Variants in MGAT4D observed in about 807,000 individuals in gnomAD.
MGAT4D encodes the protein MGAT4 family member D.
A neutral mutation model predicts 15.9 loss-of-function variants in MGAT4D; 34 were observed. That is an observed-to-expected ratio of 2.14 (90% CI 1.62 to 2.84). MGAT4D has a LOEUF of 2.84. Ranked by LOEUF, MGAT4D falls within the 30% of genes most tolerant of loss-of-function variation. MGAT4D has a pLI of 0.00. For synonymous variants in MGAT4D, 112 were observed against 48.2 expected, an observed-to-expected ratio of 2.33 and a Z score of -5.49; for missense variants, 327 against 140.2, an observed-to-expected ratio of 2.33 and a Z score of -6.73.
intron 3 of MGAT4D, among the ~76,000 whole-genome samples, chr4:140,475,776 T>C (rs1732275443): frequency 6.6e-6 from 1 of 151,444 alleles, no homozygotes; most frequent in Admixed American, 6.6e-5. Context: ...GCTATTGAGT[T>C]TGAACATATC....
rs779503056 is a variant in MGAT4D, at chr4:140,482,352, CTT to C, written c.226_227del (p.Lys76GlufsTer18). On this transcript the variant is annotated frameshift_variant, in exon 2 of 11. Transcript: ENST00000511113. LOFTEE classifies it high-confidence loss of function. ...VLNRMKYEITKREILSGNLVA... is the reference protein window; with the variant it reads ...VLNRMKYEITXREILSGNLVA... ...CTAAGTTTCCTGACAAAATTTCTCT[CTT>C]TGTAATTTCATACTTCATTCGATTC... 220 of 632,268 alleles carry C rather than the reference CTT, an allele frequency of 3.5e-4. No individual in the cohort carries two copies. Among genetic ancestry groups the C allele is most frequent in the Non-Finnish European group, 5.8e-4 (209 of 359,608 alleles). The allele number at this position is 632,268 out of a possible 1,614,324, so 39.2% of individuals were successfully genotyped here.
chr4:140,492,533 CAGG>C (rs1277981974), intron 1 of MGAT4D, among the ~76,000 whole-genome samples: 3 of 151,532 alleles, frequency 2.0e-5, no homozygotes, highest in Admixed American at 2.0e-4. Flanking sequence ...GAGGCTGAGG[CAGG>C]AGAATTGCTT....
chr4:140,486,127 C>T (rs1002056335), intron 1 of MGAT4D, among the ~76,000 whole-genome samples: 5 of 152,102 alleles, frequency 3.3e-5, no homozygotes, highest in Non-Finnish European at 7.4e-5. Flanking sequence ...CCACACTGGC[C>T]TCCTTGCTGT....
At chr4:140,492,300 T>C (rs1733552547) in intron 1 of MGAT4D, among the ~76,000 whole-genome samples, 1 of 152,134 alleles carries the variant, frequency 6.6e-6, no homozygotes, top group African/African-American at 2.4e-5. Flanking sequence ...TAGTAGAGCC[T>C]TCAGCTCCAA....
intron 3 of MGAT4D, among the ~76,000 whole-genome samples, chr4:140,478,262 C>G (rs1446725630): frequency 1.3e-5 from 2 of 152,164 alleles, no homozygotes; most frequent in African/African-American, 4.8e-5. Context: ...GTCTATTGCT[C>G]CACCCAAACA....
At chr4:140,471,375 C>T (rs1731949651) in intron 5 of MGAT4D, among the ~76,000 whole-genome samples, 1 of 151,896 alleles carries the variant, frequency 6.6e-6, no homozygotes, top group South Asian at 2.1e-4. Context: ...CAGCATCTTG[C>T]TTGATAAAGA....
chr4:140,484,626 G>A (rs572531847), intron 1 of MGAT4D, among the ~76,000 whole-genome samples: 43 of 152,244 alleles, frequency 2.8e-4, no homozygotes, highest in African/African-American at 9.9e-4. Context: ...CCTACAGAAT[G>A]GGAGAAAATT....
At position 140,442,742 on chromosome 4, in the gene MGAT4D, C is replaced by T. The variant is rs946153006; in HGVS notation, c.*694G>A. The T allele has an allele frequency of 1.3e-5, 2 of 151,990 alleles. No individual in the cohort carries two copies. The highest frequency in any genetic ancestry group is 3.8e-4 in the East Asian group (2 of 5,198). The allele number at this position is 151,990 out of a possible 1,614,324, so 9.4% of individuals were successfully genotyped here. ...CAACAATTCTCAAAATTTTATCACA[C>T]AGGTAAAGTTCTATAACCACTATGC... On this transcript the variant is annotated 3_prime_UTR_variant, in exon 11 of 11. Transcript: ENST00000511113.
chr4:140,494,650 C>G (rs1422020372), intron 1 of MGAT4D, among the ~76,000 whole-genome samples: 2 of 152,208 alleles, frequency 1.3e-5, no homozygotes, highest in Non-Finnish European at 2.9e-5. Flanking sequence ...GCTCCTACCC[C>G]AGCCTTTGCT....
chr4:140,455,722 G>C (rs1458349081), intron 9 of MGAT4D, among the ~76,000 whole-genome samples: 1 of 152,004 alleles, frequency 6.6e-6, no homozygotes, highest in Non-Finnish European at 1.5e-5. Flanking sequence ...GTCAGTTTTT[G>C]CTTCATGTAT....
At chr4:140,480,084 A>G (rs1277823505) in intron 2 of MGAT4D, among the ~76,000 whole-genome samples, 1 of 152,174 alleles carries the variant, frequency 6.6e-6, no homozygotes, top group Non-Finnish European at 1.5e-5. Flanking sequence ...ACATTGCCCA[A>G]TTTTAATTCA....
At chr4:140,456,124 T>C (rs1730780841) in intron 9 of MGAT4D, among the ~76,000 whole-genome samples, 1 of 152,190 alleles carries the variant, frequency 6.6e-6, no homozygotes. Flanking sequence ...GGCTACAGAA[T>C]GAGTCTCAAT....
intron 2 of MGAT4D, among the ~76,000 whole-genome samples, chr4:140,481,639 C>T (rs1732739421): frequency 6.6e-6 from 1 of 152,146 alleles, no homozygotes; most frequent in African/African-American, 2.4e-5. Context: ...GCACTATAAA[C>T]AGAACAATTG....
At chr4:140,489,168 T>A (rs979709298) in intron 1 of MGAT4D, among the ~76,000 whole-genome samples, 8 of 152,246 alleles carry the variant, frequency 5.3e-5, no homozygotes, top group African/African-American at 7.2e-5. Flanking sequence ...CACTTTAAAT[T>A]TATTATTAGT....
intron 6 of MGAT4D, among the ~76,000 whole-genome samples, chr4:140,463,051 C>T (rs1048969616): frequency 6.6e-6 from 1 of 152,182 alleles, no homozygotes; most frequent in African/African-American, 2.4e-5. Context: ...ATACACACAT[C>T]CCCACTGAGG....
chr4:140,468,586 A>G (rs1210610619), intron 5 of MGAT4D, among the ~76,000 whole-genome samples: 1 of 152,208 alleles, frequency 6.6e-6, no homozygotes, highest in Non-Finnish European at 1.5e-5. Context: ...TTCTCTAAAT[A>G]GTAGTTTATT....
intron 5 of MGAT4D, among the ~76,000 whole-genome samples, chr4:140,469,133 T>TTACTGATAA (rs1322100807): frequency 6.6e-6 from 1 of 152,232 alleles, no homozygotes; most frequent in Non-Finnish European, 1.5e-5. Context: ...TCAGTTGAAC[T>TTACTGATAA]TACTGATAAT....
At chr4:140,452,849 T>C (rs935482215) in intron 9 of MGAT4D, among the ~76,000 whole-genome samples, 3 of 152,156 alleles carry the variant, frequency 2.0e-5, no homozygotes, top group Non-Finnish European at 4.4e-5. Context: ...ATTTTTTCTA[T>C]ATTTTCTTCC....
intron 1 of MGAT4D, among the ~76,000 whole-genome samples, chr4:140,487,292 GT>G (rs1176760708): frequency 6.6e-6 from 1 of 152,172 alleles, no homozygotes; most frequent in African/African-American, 2.4e-5. Flanking sequence ...CATCTCTGTA[GT>G]GAAATTATGA....
Sources: allele counts gnomAD v4.1 joint callset (sites outside exome capture counted in the v4.1 genomes callset), GRCh38; gene constraint gnomAD v4.1.1; transcripts MANE v1.5; gene names NCBI Gene and HGNC (gene_info 2026-07-23, HGNC 2026-07-21).